The following SHROOM3 variants were observed in gnomAD, a reference collection of about 807,000 sequenced individuals.
SHROOM3 encodes protein Shroom3.
SHROOM3 carries 47 observed loss-of-function variants against 138.6 expected under a neutral mutation model. That is an observed-to-expected ratio of 0.34 (90% confidence interval 0.27 to 0.43). The LOEUF is 0.43. Among genes scored for constraint, SHROOM3 ranks in the 20% least tolerant of loss-of-function variants. The pLI, the probability that SHROOM3 is intolerant of heterozygous loss-of-function variation, is 1.00. For missense variants in SHROOM3, 2,491 were observed against 2,596.5 expected, an observed-to-expected ratio of 0.96 and a Z score of 0.88; for synonymous variants, 1,062 against 1,063.3, an observed-to-expected ratio of 1.00 and a Z score of 0.02.
intron 1 of SHROOM3, among the ~76,000 whole-genome samples, chr4:76,440,159 AG>A (rs1225464594): frequency 1.3e-5 from 2 of 152,222 alleles, no homozygotes; most frequent in African/African-American, 4.8e-5. Flanking sequence ...GTACTTATTT[AG>A]TGTTTGTGAT....
intron 1 of SHROOM3, among the ~76,000 whole-genome samples, chr4:76,541,244 T>C (rs953451453): frequency 6.6e-6 from 1 of 152,140 alleles, no homozygotes; most frequent in Non-Finnish European, 1.5e-5. Flanking sequence ...GACTTAAACA[T>C]AAACCAACTG....
intron 2 of SHROOM3, among the ~76,000 whole-genome samples, chr4:76,589,986 C>T (rs1034973323): frequency 6.6e-6 from 1 of 152,180 alleles, no homozygotes; most frequent in African/African-American, 2.4e-5. Context: ...ACCTCAAATA[C>T]CATGCGGTTC....
chr4:76,503,339 A>AT (rs1221942249), intron 1 of SHROOM3, among the ~76,000 whole-genome samples: 1 of 152,170 alleles, frequency 6.6e-6, no homozygotes, highest in Non-Finnish European at 1.5e-5. Context: ...TAAAGTTCTT[A>AT]TACATATTTC....
intron 1 of SHROOM3, among the ~76,000 whole-genome samples, chr4:76,529,570 C>T (rs774131537): frequency 1.3e-5 from 2 of 152,170 alleles, no homozygotes; most frequent in Non-Finnish European, 2.9e-5. Flanking sequence ...CGTGATCCAC[C>T]TGCCTCGGCC....
At chr4:76,490,684 G>A (rs1449980612) in intron 1 of SHROOM3, among the ~76,000 whole-genome samples, 1 of 152,192 alleles carries the variant, frequency 6.6e-6, no homozygotes, top group South Asian at 2.1e-4. Flanking sequence ...CAGTTGAATT[G>A]TATTTCAGCA....
chr4:76,609,272 A>G (rs1734712564), intron 2 of SHROOM3, among the ~76,000 whole-genome samples: 1 of 152,138 alleles, frequency 6.6e-6, no homozygotes, highest in Non-Finnish European at 1.5e-5. Context: ...CATATAGACA[A>G]TCTGTTTTGG....
intron 8 of SHROOM3, 79 bp from the exon 9 acceptor site, chr4:76,759,466 T>C (rs1397051315): frequency 5.7e-6 from 9 of 1,565,602 alleles, no homozygotes; most frequent in Admixed American, 1.7e-5. Flanking sequence ...TACGCACTTC[T>C]GAATGGACTG....
chr4:76,549,564 TC>T (rs1283515153), intron 1 of SHROOM3, among the ~76,000 whole-genome samples: 5 of 152,126 alleles, frequency 3.3e-5, no homozygotes, highest in Admixed American at 6.5e-5. Context: ...AGACGGGGTT[TC>T]ACCATGTTGG....
intron 1 of SHROOM3, among the ~76,000 whole-genome samples, chr4:76,523,082 T>C (rs993495926): frequency 5.9e-5 from 9 of 152,186 alleles, no homozygotes; most frequent in Non-Finnish European, 1.3e-4. Context: ...GGCAGGGCCA[T>C]GCTCCCTGCA....
At chr4:76,588,717 A>G (rs1734200858) in intron 2 of SHROOM3, among the ~76,000 whole-genome samples, 2 of 152,070 alleles carry the variant, frequency 1.3e-5, no homozygotes, top group South Asian at 2.1e-4. Context: ...TGCTCTGGCC[A>G]TAGGGAGCAG....
At chr4:76,615,526 T>C (rs1734855627) in intron 2 of SHROOM3, among the ~76,000 whole-genome samples, 1 of 152,170 alleles carries the variant, frequency 6.6e-6, no homozygotes, top group Non-Finnish European at 1.5e-5. Context: ...GAAAGTAAAT[T>C]ATCATCCTGC....
At chr4:76,778,473 C>CG (rs1425989331) in intron 10 of SHROOM3, among the ~76,000 whole-genome samples, 2 of 152,068 alleles carry the variant, frequency 1.3e-5, no homozygotes, top group African/African-American at 2.4e-5. Context: ...CCATCCATCC[C>CG]GGCCTCCCAA....
intron 1 of SHROOM3, among the ~76,000 whole-genome samples, chr4:76,485,231 G>T (rs531891960): frequency 1.3e-5 from 2 of 152,224 alleles, no homozygotes; most frequent in East Asian, 3.9e-4. Flanking sequence ...TGGACTCTGG[G>T]TACTTTTTTC....
chr4:76,751,471 C>A (rs1483068709), intron 6 of SHROOM3, among the ~76,000 whole-genome samples: 2 of 152,106 alleles, frequency 1.3e-5, no homozygotes, highest in Non-Finnish European at 2.9e-5. Flanking sequence ...GAGTTTGATG[C>A]CTTCATGGGT....
At chr4:76,532,510 G>A (rs1257391811) in intron 1 of SHROOM3, among the ~76,000 whole-genome samples, 1 of 152,190 alleles carries the variant, frequency 6.6e-6, no homozygotes, top group African/African-American at 2.4e-5. Context: ...CCCATTGGGT[G>A]CCAGAAACCA....
At chr4:76,545,489 G>T (rs1733194850) in intron 1 of SHROOM3, among the ~76,000 whole-genome samples, 1 of 152,176 alleles carries the variant, frequency 6.6e-6, no homozygotes, top group African/African-American at 2.4e-5. Context: ...CCCTCCAAAG[G>T]AGAGACTGTC....
intron 2 of SHROOM3, among the ~76,000 whole-genome samples, chr4:76,699,699 T>C (rs1179889363): frequency 6.6e-6 from 1 of 152,220 alleles, no homozygotes; most frequent in Non-Finnish European, 1.5e-5. Context: ...GCATGTTCTC[T>C]TTCTTGCTCC....
chr4:76,707,080 G>GT (rs1251527504), intron 2 of SHROOM3, among the ~76,000 whole-genome samples: 1 of 152,176 alleles, frequency 6.6e-6, no homozygotes, highest in Non-Finnish European at 1.5e-5. Context: ...CTTCTACAAT[G>GT]TATCGTTGGT....
intron 1 of SHROOM3, among the ~76,000 whole-genome samples, chr4:76,508,714 A>T (rs1325489151): frequency 1.3e-5 from 2 of 152,232 alleles, no homozygotes; most frequent in Non-Finnish European, 2.9e-5. Context: ...TAGGTCTTTT[A>T]AATTTTCTTT....
Sources: gnomAD v4.1 joint callset for allele counts (sites outside exome capture counted in the v4.1 genomes callset) on GRCh38, gnomAD v4.1.1 for gene constraint, MANE v1.5 for transcripts, NCBI Gene and HGNC (gene_info 2026-07-23, HGNC 2026-07-21) for gene names.